CLCA2: variants seen among roughly 807,000 people sequenced by gnomAD.
CLCA2 encodes the protein calcium-activated chloride channel regulator 2.
CLCA2 carries 85 observed loss-of-function variants against 82.9 expected under a neutral mutation model. That is an observed-to-expected ratio of 1.03 (90% CI 0.86 to 1.23). The LOEUF (loss-of-function observed/expected upper bound fraction) is 1.23. Among genes scored for constraint, CLCA2 ranks in the 50% most tolerant of loss-of-function variants. The probability of loss-of-function intolerance (pLI) is 0.00; values close to 1 mark genes in which losing one functional copy is unlikely to be tolerated. For missense variants in CLCA2, 1,089 were observed against 1,124.8 expected (o/e 0.97, Z 0.45); for synonymous variants, 421 against 391.7 (o/e 1.07, Z -0.88).
intron 6 of CLCA2, among the ~76,000 whole-genome samples, chr1:86,437,958 A>G (rs1662648501): frequency 6.6e-6 from 1 of 152,194 alleles, no homozygotes; most frequent in African/African-American, 2.4e-5. Flanking sequence ...GCAGAGTTCT[A>G]AGTCCTTGTT....
chr1:86,433,377 C>A (rs1010776277), intron 5 of CLCA2, among the ~76,000 whole-genome samples: 1 of 152,176 alleles, frequency 6.6e-6, no homozygotes, highest in Non-Finnish European at 1.5e-5. Context: ...CATGGCTGAC[C>A]AATGCCCCTT....
intron 1 of CLCA2, 76 bp downstream of exon 1, chr1:86,424,509 C>G: frequency 7.8e-7 from 1 of 1,285,794 alleles, no homozygotes; most frequent in South Asian, 1.5e-5. Flanking sequence ...GCTAACTACC[C>G]TGCCTGGTTT....
rs557374235 is a variant in CLCA2 at position 86,455,542 on chromosome 1, T to A, written c.*15T>A. ...AATTATTATAAATAAATATCCAAAG[T>A]GTCTTCCTTCTTAGATATAAGACCC... On this transcript the variant is annotated 3_prime_UTR_variant, in exon 14 of 14. Transcript: ENST00000370565. 6 of 1,444,682 alleles carry A rather than the reference T, an allele frequency of 4.2e-6. No homozygotes were observed. The South Asian group carries it at 1.0e-4, about 24-fold the overall frequency. 89.5% of individuals were successfully genotyped at this position (1,444,682 alleles called of 1,614,324 possible).
chr1:86,450,098 A>T (rs1457404710), intron 11 of CLCA2, among the ~76,000 whole-genome samples: 1 of 152,194 alleles, frequency 6.6e-6, no homozygotes, highest in Non-Finnish European at 1.5e-5. Context: ...TATTTATTAA[A>T]GGTCCTTAAT....
At chr1:86,447,148 C>A (rs908731777) in intron 10 of CLCA2, among the ~76,000 whole-genome samples, 1 of 152,118 alleles carries the variant, frequency 6.6e-6, no homozygotes, top group Admixed American at 6.5e-5. Flanking sequence ...CATTTAAACG[C>A]CTTTTTGGGG....
chr1:86,434,888 C>A, intron 6 of CLCA2, 143 bp downstream of exon 6: 2 of 678,106 alleles, frequency 2.9e-6, no homozygotes, highest in Non-Finnish European at 2.5e-6. Flanking sequence ...ATAGTGGTTG[C>A]TGCACCTATC....
intron 4 of CLCA2, among the ~76,000 whole-genome samples, chr1:86,431,965 C>T (rs1662507590): frequency 1.3e-5 from 2 of 152,100 alleles, no homozygotes; most frequent in African/African-American, 2.4e-5. Context: ...GACGGAGTTT[C>T]GCTCCTGTCG....
At chr1:86,448,224 T>A (rs1207254431) in intron 11 of CLCA2, 1 of 163,656 alleles carries the variant, frequency 6.1e-6, no homozygotes, top group East Asian at 1.7e-4. Context: ...GGACCCCAGT[T>A]ATGAAGAAAA....
At chr1:86,435,690 C>G (rs1558107232) in intron 6 of CLCA2, among the ~76,000 whole-genome samples, 1 of 152,122 alleles carries the variant, frequency 6.6e-6, no homozygotes, top group Non-Finnish European at 1.5e-5. Flanking sequence ...TTATGAGAGT[C>G]AACTTTTAAA....
Position 86,438,940 on chromosome 1 carries a change from A to T in CLCA2, c.1037A>T (p.His346Leu), listed in dbSNP as rs748012848. 42 of 1,614,050 alleles carry T rather than the reference A, an allele frequency of 2.6e-5. No homozygotes were observed. Among genetic ancestry groups the T allele is most frequent in the Non-Finnish European group, 3.3e-5 (39 of 1,180,012 alleles). Reference protein sequence around the residue: ...EFYLMQIVEIHTFVGIASFDS... With the variant: ...EFYLMQIVEILTFVGIASFDS... ...TATTTGATGCAGATTGTTGAAATTC[A>T]TACCTTCGTGGGCATTGCCAGTTTC... Residue 346 changes from histidine (H) to leucine (L), a missense_variant, in exon 7 of 14, where the codon CAT (histidine) becomes CTT (leucine). His to Leu is a moderately conservative substitution (Grantham distance 99). Coordinates refer to ENST00000370565, the MANE Select transcript of CLCA2 (RefSeq NM_006536.7).
Position 86,452,658 on chromosome 1 carries a change from A to G in CLCA2, c.2156-711A>G, listed in dbSNP as rs569728825. Among the ~76,000 whole-genome samples, 5 of 152,244 alleles carry G rather than the reference A, an allele frequency of 3.3e-5. No individual in the cohort carries two copies. The South Asian group carries it at 6.2e-4, about 19-fold the overall frequency. On this transcript the variant is annotated intron_variant, in intron 12 of 13. Coordinates refer to ENST00000370565, the MANE Select transcript of CLCA2 (RefSeq NM_006536.7). The stretch of plus-strand genomic sequence containing the variant: ...GTTCTTCCCTCTCTTCTTTAGCTGG[A>G]CAGTTCCTACTCAACCTTTAGGAAG...
chr1:86,432,144 T>G (rs61124915), intron 4 of CLCA2, among the ~76,000 whole-genome samples: 7 of 152,004 alleles, frequency 4.6e-5, no homozygotes, highest in Admixed American at 4.6e-4. Flanking sequence ...CCATGTTGGC[T>G]AGGCTGGTCT....
chr1:86,441,457 C>T lies in CLCA2; in HGVS notation c.1402C>T (p.Pro468Ser). 1 of 1,605,810 alleles carries T rather than the reference C, an allele frequency of 6.2e-7. No homozygotes were observed. Among genetic ancestry groups the T allele is most frequent in the Non-Finnish European group, 8.5e-7 (1 of 1,173,674 alleles). Residue 468 changes from proline (P) to serine (S), a missense_variant, in exon 9 of 14, where the codon CCA (proline) becomes TCA (serine). Pro to Ser is a moderately conservative substitution (Grantham distance 74). Coordinates refer to ENST00000370565, the MANE Select transcript of CLCA2 (RefSeq NM_006536.7). ...RLTGGLKFFV[P>S]DISNSNSMID... is the part of the protein sequence containing the mutation. ...TTCAGGAGGTTTAAAGTTCTTTGTT[C>T]CAGATATATCAAACTCCAATAGCAT...
At chr1:86,425,529 A>G in intron 2 of CLCA2, 53 bp downstream of exon 2, 2 of 1,397,948 alleles carry the variant, frequency 1.4e-6, no homozygotes, top group Non-Finnish European at 1.9e-6. Flanking sequence ...AAACACCAAA[A>G]TATACTGTGC....
At position 86,434,568 on chromosome 1, in the gene CLCA2, A is replaced by G. The variant is rs1362330425; in HGVS notation, c.795A>G (p.Leu265=). 6.2e-7 allele frequency: 1 copy of G among 1,614,104 alleles called. No individual in the cohort carries two copies. The highest frequency in any genetic ancestry group is 1.1e-5 in the South Asian group (1 of 91,084). ...CCCACAACCAAGAAGCACCAAACCT[A>G]CAGAACCAGATGTGCAGCCTCAGAA... ...ASTHNQEAPN[L]QNQMCSLRSA... The change falls in exon 6 of 14, where the codon CTA becomes CTG. Residue 265 remains leucine, a synonymous_variant. Coordinates refer to ENST00000370565, the MANE Select transcript of CLCA2 (RefSeq NM_006536.7).
chr1:86,434,925 G>A (rs1023351915), intron 6 of CLCA2, among the ~76,000 whole-genome samples, 180 bp downstream of exon 6: 3 of 151,944 alleles, frequency 2.0e-5, no homozygotes, highest in African/African-American at 4.8e-5. Context: ...AGTAAGCCCC[G>A]CCTGCATTAA....
chr1:86,432,321 A>T (rs556319163), intron 4 of CLCA2, 48 bp from the exon 5 acceptor site: 2 of 1,577,336 alleles, frequency 1.3e-6, no homozygotes, highest in South Asian at 1.1e-5. Context: ...AAGAAACATA[A>T]GTGTTTCTAA....
rs377578939 is a variant in CLCA2 at position 86,447,748 on chromosome 1, G to T, written c.1954G>T (p.Val652Phe). The T allele has an allele frequency of 5.6e-6, 9 of 1,613,468 alleles. No homozygotes were observed. Among genetic ancestry groups the T allele is most frequent in the Non-Finnish European group, 7.6e-6 (9 of 1,179,968 alleles). Residue 652 changes from valine (V) to phenylalanine (F), a missense_variant, in exon 11 of 14, where the codon GTT (valine) becomes TTT (phenylalanine). Val to Phe is a conservative substitution (Grantham distance 50). Transcript: ENST00000370565. The part of the protein sequence containing the change: ...ATVEPETGDP[V>F]TLRLLDDGAG... Reference sequence around the variant, plus strand: ...AGTTGAGCCAGAGACTGGAGATCCTGTTACGCTGAGACTCCTTGATGATGG... The same window carrying T: ...AGTTGAGCCAGAGACTGGAGATCCTTTTACGCTGAGACTCCTTGATGATGG...
chr1:86,447,881 ATT>A, intron 11 of CLCA2, 103 bp downstream of exon 11: 1 of 1,160,616 alleles, frequency 8.6e-7, no homozygotes. Flanking sequence ...CTTGAGTTCA[ATT>A]TTTTTTTAAT....
Sources: gnomAD v4.1 joint callset for allele counts (sites outside exome capture counted in the v4.1 genomes callset) on GRCh38, gnomAD v4.1.1 for gene constraint, MANE v1.5 for transcripts, NCBI Gene and HGNC (gene_info 2026-07-23, HGNC 2026-07-21) for gene names.